INPP4B: variants seen among roughly 807,000 people sequenced by gnomAD.
INPP4B encodes the protein inositol polyphosphate 4-phosphatase type II.
INPP4B carries 55 observed loss-of-function variants against 122.5 expected under a neutral mutation model. That is an observed-to-expected ratio of 0.45 (90% CI 0.36 to 0.56). The LOEUF (loss-of-function observed/expected upper bound fraction) is 0.56. Ranked by LOEUF, INPP4B falls within the 20% of genes least tolerant of loss-of-function variation. INPP4B has a pLI of 0.00. For missense variants in INPP4B, 1,000 were observed against 1,097.7 expected, an observed-to-expected ratio of 0.91 and a Z score of 1.26; for synonymous variants, 403 against 388.7, an observed-to-expected ratio of 1.04 and a Z score of -0.43.
At chr4:142,834,744 T>C (rs1782575691) in intron 1 of INPP4B, among the ~76,000 whole-genome samples, 1 of 152,192 alleles carries the variant, frequency 6.6e-6, no homozygotes, top group Admixed American at 6.5e-5. Flanking sequence ...TTGATCTCTT[T>C]TTCTCTCACA....
At chr4:142,764,899 G>C (rs960884766) in intron 1 of INPP4B, among the ~76,000 whole-genome samples, 1 of 151,964 alleles carries the variant, frequency 6.6e-6, no homozygotes, top group Non-Finnish European at 1.5e-5. Flanking sequence ...AAAGGACAAA[G>C]GGAACCATGA....
chr4:142,504,900 A>G (rs1407812328), intron 2 of INPP4B, among the ~76,000 whole-genome samples: 1 of 152,088 alleles, frequency 6.6e-6, no homozygotes, highest in East Asian at 1.9e-4. Flanking sequence ...GCATGACGTG[A>G]CGTGATGTGA....
At chr4:142,480,797 A>G (rs963281488) in intron 2 of INPP4B, among the ~76,000 whole-genome samples, 1 of 152,196 alleles carries the variant, frequency 6.6e-6, no homozygotes, top group Non-Finnish European at 1.5e-5. Flanking sequence ...CAGGCACTTC[A>G]GGGAAGCTAG....
rs560834304 is a variant in INPP4B at position 142,815,784 on chromosome 4, A to G, written c.-254+30425T>C. Among the ~76,000 whole-genome samples the G allele has an allele frequency of 5.9e-5, 9 of 152,236 alleles. No individual in the cohort carries two copies. The South Asian group carries it at 1.9e-3, about 32-fold the overall frequency. ...AAATCAGGTGATTGGAAGAAAACACATTTCAAAAATTAAGGTGCCCTGCTT... is the reference window on the plus strand; with the variant it reads ...AAATCAGGTGATTGGAAGAAAACACGTTTCAAAAATTAAGGTGCCCTGCTT... On this transcript the variant is annotated intron_variant, in intron 1 of 25. Transcript: ENST00000262992.
intron 12 of INPP4B, 122 bp from the exon 13 acceptor site, chr4:142,209,148 A>G: frequency 1.7e-6 from 1 of 585,552 alleles, no homozygotes; most frequent in Non-Finnish European, 2.7e-6. Flanking sequence ...GGAAAGTTCT[A>G]TGAGCTTATT....
At chr4:142,661,729 C>T (rs1304751010) in intron 2 of INPP4B, among the ~76,000 whole-genome samples, 1 of 152,214 alleles carries the variant, frequency 6.6e-6, no homozygotes, top group Non-Finnish European at 1.5e-5. Flanking sequence ...TAGTGCACTA[C>T]AGCTACTAAC....
intron 2 of INPP4B, among the ~76,000 whole-genome samples, chr4:142,577,946 A>G (rs1054627358): frequency 6.6e-5 from 10 of 151,944 alleles, no homozygotes; most frequent in Admixed American, 1.3e-4. Flanking sequence ...CAACATAAAC[A>G]CATATTACTT....
At position 142,024,758 on chromosome 4, in the gene INPP4B, CT is replaced by C. The variant is rs973898634; in HGVS notation, c.*4023del. The C allele has an allele frequency of 6.6e-5, 10 of 152,118 alleles. No homozygotes were observed. The highest frequency in any genetic ancestry group is 2.4e-4 in the African/African-American group (10 of 41,432). 9.4% of individuals were successfully genotyped at this position (152,118 alleles called of 1,614,324 possible). The stretch of plus-strand genomic sequence containing the variant: ...TTTTAGCAAATGCCAAAATTATAAA[CT>C]CCAAAATAGATGGTGAAGTACATTT... On this transcript the variant is annotated 3_prime_UTR_variant, in exon 26 of 26. Transcript: ENST00000262992.
intron 9 of INPP4B, among the ~76,000 whole-genome samples, chr4:142,271,742 G>T (rs2150585820): frequency 6.6e-6 from 1 of 152,086 alleles, no homozygotes; most frequent in Admixed American, 6.5e-5. Flanking sequence ...GCAATTTCAG[G>T]TTTCTATCTT....
At chr4:142,522,362 G>C (rs1826203139) in intron 2 of INPP4B, among the ~76,000 whole-genome samples, 1 of 120,564 alleles carries the variant, frequency 8.3e-6, no homozygotes, top group Non-Finnish European at 1.6e-5. Context: ...CGAGACATGA[G>C]ATTTCCCTAT....
intron 7 of INPP4B, among the ~76,000 whole-genome samples, chr4:142,347,768 TA>T (rs1202642328): frequency 6.6e-6 from 1 of 151,114 alleles, no homozygotes; most frequent in Non-Finnish European, 1.5e-5. Context: ...ACTAGGTAAA[TA>T]TTTTTTTCTG....
At chr4:142,736,488 T>C (rs1222526069) in intron 1 of INPP4B, among the ~76,000 whole-genome samples, 5 of 152,206 alleles carry the variant, frequency 3.3e-5, no homozygotes, top group Non-Finnish European at 7.3e-5. Flanking sequence ...CAGTGGTTTG[T>C]AGTTCTCCTT....
chr4:142,370,852 A>G (rs1384630392), intron 7 of INPP4B, among the ~76,000 whole-genome samples: 1 of 152,116 alleles, frequency 6.6e-6, no homozygotes. Context: ...AAATAATCAT[A>G]TTACCCAAAG....
chr4:142,107,010 T>C (rs1787489235), intron 23 of INPP4B, among the ~76,000 whole-genome samples: 1 of 152,316 alleles, frequency 6.6e-6, no homozygotes, highest in African/African-American at 2.4e-5. Flanking sequence ...TTACTTACAT[T>C]ATTAACTTTT....
At chr4:142,135,232 C>G (rs1009753405) in intron 18 of INPP4B, among the ~76,000 whole-genome samples, 1 of 152,088 alleles carries the variant, frequency 6.6e-6, no homozygotes, top group Non-Finnish European at 1.5e-5. Context: ...GATTCAAGAA[C>G]AAATCACAAA....
At chr4:142,141,191 CAT>C (rs1293770225) in intron 18 of INPP4B, among the ~76,000 whole-genome samples, 1 of 152,076 alleles carries the variant, frequency 6.6e-6, no homozygotes, top group Non-Finnish European at 1.5e-5. Flanking sequence ...TGAAAGAAAA[CAT>C]ATTAGGATCA....
At chr4:142,125,810 AT>A (rs1377361526) in intron 18 of INPP4B, among the ~76,000 whole-genome samples, 1 of 152,142 alleles carries the variant, frequency 6.6e-6, no homozygotes, top group Non-Finnish European at 1.5e-5. Context: ...CAAGGAATTC[AT>A]TTTTTAATCA....
intron 22 of INPP4B, among the ~76,000 whole-genome samples, chr4:142,111,842 C>A (rs1304842757): frequency 6.6e-6 from 1 of 152,006 alleles, no homozygotes; most frequent in South Asian, 2.1e-4. Flanking sequence ...CTCCCGAGTT[C>A]AAAAAATTCT....
chr4:142,665,158 A>G (rs1755800442), intron 2 of INPP4B, among the ~76,000 whole-genome samples: 1 of 152,192 alleles, frequency 6.6e-6, no homozygotes, highest in African/African-American at 2.4e-5. Flanking sequence ...GTGGCACATG[A>G]CCATACTTCA....
Sources: gnomAD v4.1 joint callset for allele counts (sites outside exome capture counted in the v4.1 genomes callset) on GRCh38, gnomAD v4.1.1 for gene constraint, MANE v1.5 for transcripts, NCBI Gene and HGNC (gene_info 2026-07-23, HGNC 2026-07-21) for gene names.